ACOT1: variants seen among roughly 807,000 people sequenced by gnomAD.
ACOT1 encodes the protein acyl-coenzyme A thioesterase 1.
Under a neutral mutation model 15.7 loss-of-function variants are expected in ACOT1, and 8 were observed. That is an observed-to-expected ratio of 0.51 (90% CI 0.30 to 0.92). The LOEUF is 0.92. Among genes scored for constraint, ACOT1 ranks in the 40% least tolerant of loss-of-function variants. The probability of loss-of-function intolerance (pLI) is 0.06; values close to 1 mark genes in which losing one functional copy is unlikely to be tolerated. For synonymous variants in ACOT1, 67 were observed against 241.2 expected (o/e 0.28, Z 6.69); for missense variants, 151 against 539.4 (o/e 0.28, Z 7.13).
the ACOT1 span, among the ~76,000 whole-genome samples, chr14:73,494,166 C>G: frequency 6.6e-6 from 1 of 152,050 alleles, no homozygotes; most frequent in Non-Finnish European, 1.5e-5. Flanking sequence ...GAAGAAACTT[C>G]CCCAAATCTG....
chr14:73,522,494 C>T, the ACOT1 span: 1 of 1,614,242 alleles, frequency 6.2e-7, no homozygotes, highest in Non-Finnish European at 8.5e-7. Context: ...AGGACGCTTG[C>T]TCTGGATCCA....
the ACOT1 span, chr14:73,491,033 G>A: frequency 1.6e-4 from 246 of 1,560,352 alleles, no homozygotes; most frequent in African/African-American, 3.1e-3. Context: ...TGGGCTCCAG[G>A]CCAGTGCAGG....
the ACOT1 span, chr14:73,500,473 A>C: frequency 7.0e-7 from 1 of 1,428,734 alleles, no homozygotes; most frequent in Non-Finnish European, 9.6e-7. Flanking sequence ...AATGTTGAGC[A>C]TACTGTGCAC....
the ACOT1 span, chr14:73,520,506 A>G: frequency 5.4e-6 from 1 of 186,114 alleles, no homozygotes; most frequent in East Asian, 1.3e-4. Context: ...GTGGGAGAAT[A>G]TCTCGAAGTG....
the ACOT1 span, among the ~76,000 whole-genome samples, chr14:73,527,692 T>C: frequency 1.3e-5 from 2 of 151,780 alleles, no homozygotes; most frequent in Admixed American, 1.3e-4. Flanking sequence ...AAATACACAG[T>C]CAGGGCCAGG....
At chr14:73,528,367 GGAC>G in the ACOT1 span, among the ~76,000 whole-genome samples, 1 of 121,666 alleles carries the variant, frequency 8.2e-6, no homozygotes, top group African/African-American at 3.3e-5. Flanking sequence ...ACTCCAGCCT[GGAC>G]GACAAGAGCG....
the ACOT1 span, among the ~76,000 whole-genome samples, chr14:73,531,615 G>T: frequency 1.8e-5 from 2 of 109,176 alleles, no homozygotes; most frequent in African/African-American, 5.9e-5. Context: ...CACCATATTG[G>T]CCAGGCTGTT....
the ACOT1 span, chr14:73,500,564 T>C: frequency 6.2e-7 from 1 of 1,613,234 alleles, no homozygotes; most frequent in Non-Finnish European, 8.5e-7. Context: ...TTGTCGCGGA[T>C]CTGCAGGGCA....
chr14:73,502,782 C>T, the ACOT1 span: 2 of 754,152 alleles, frequency 2.7e-6, no homozygotes, highest in African/African-American at 1.7e-5. Context: ...CTCCTGACCT[C>T]GTGATCCGCC....
chr14:73,538,969 A>T (rs1169373586), intron 1 of ACOT1, among the ~76,000 whole-genome samples: 3 of 115,864 alleles, frequency 2.6e-5, no homozygotes, highest in African/African-American at 8.4e-5. Context: ...ACTCCATCTA[A>T]AACAAAAACA....
At chr14:73,512,060 A>G in the ACOT1 span, 1 of 1,614,102 alleles carries the variant, frequency 6.2e-7, no homozygotes, top group African/African-American at 1.3e-5. Flanking sequence ...GCTGTGGCAC[A>G]TGTGGTGATA....
chr14:73,491,879 T>C, the ACOT1 span: 1 of 1,611,722 alleles, frequency 6.2e-7, no homozygotes. Flanking sequence ...CGCCGCGTGG[T>C]CCCTGTACCA....
the ACOT1 span, chr14:73,502,939 C>G: frequency 3.1e-6 from 5 of 1,614,052 alleles, no homozygotes; most frequent in Non-Finnish European, 4.2e-6. Context: ...TTTGCCCAAG[C>G]GCCTGTGCAG....
At chr14:73,491,541 C>T in the ACOT1 span, 7 of 1,532,026 alleles carry the variant, frequency 4.6e-6, no homozygotes, top group Admixed American at 4.0e-5. Context: ...GTGGATAACA[C>T]GGGTGGGGAG....
the ACOT1 span, chr14:73,500,550 C>T: frequency 4.3e-6 from 7 of 1,611,942 alleles, no homozygotes; most frequent in Admixed American, 1.2e-4. Context: ...CCTGACTCAC[C>T]ATCTTGTCGC....
At chr14:73,537,071 C>T (rs138028918), upstream of ACOT1, 1,808 of 190,100 alleles carry the variant, frequency 9.5e-3, 332 homozygotes, top group African/African-American at 0.046. Context: ...GCAAGCTCCA[C>T]CCCCCGGGAT....
At chr14:73,499,143 G>A in the ACOT1 span, 5 of 1,613,818 alleles carry the variant, frequency 3.1e-6, no homozygotes, top group African/African-American at 6.7e-5. Flanking sequence ...TCAAGCACCT[G>A]GGATGGAAAA....
intron 1 of ACOT1, 52 bp from the exon 2 acceptor site, chr14:73,541,441 C>T: frequency 8.2e-7 from 1 of 1,213,876 alleles, no homozygotes; most frequent in South Asian, 1.4e-5. Flanking sequence ...AGAAACCATC[C>T]AACTGTTTCA....
the ACOT1 span, among the ~76,000 whole-genome samples, chr14:73,496,124 T>TC: frequency 6.7e-6 from 1 of 149,892 alleles, no homozygotes; most frequent in Non-Finnish European, 1.5e-5. Flanking sequence ...AGCGAGACTG[T>TC]CCCCCCCTCA....
Sources: gnomAD v4.1 joint callset for allele counts (sites outside exome capture counted in the v4.1 genomes callset) on GRCh38, gnomAD v4.1.1 for gene constraint, MANE v1.5 for transcripts, NCBI Gene and HGNC (gene_info 2026-07-23, HGNC 2026-07-21) for gene names.